C12orf54: variants seen among roughly 807,000 people sequenced by gnomAD.
The protein encoded by C12orf54 is chromosome 12 open reading frame 54, also known as uncharacterized protein C12orf54.
In C12orf54, 24 loss-of-function variants were observed where a neutral mutation model predicts 26.4. That is an observed-to-expected ratio of 0.91 (90% CI 0.66 to 1.28). The LOEUF is 1.28. C12orf54 is among the 50% of genes most tolerant of loss of function. C12orf54 has a pLI of 0.00. For missense variants in C12orf54, 154 were observed against 150.9 expected, an observed-to-expected ratio of 1.02 and a Z score of -0.11; for synonymous variants, 54 against 47.0, an observed-to-expected ratio of 1.15 and a Z score of -0.61.
intron 5 of C12orf54, chr12:48,489,248 C>T: frequency 1.7e-6 from 1 of 585,014 alleles, no homozygotes; most frequent in South Asian, 1.6e-5. Context: ...CTGATAATGA[C>T]TAAGCTGGGG....
At chr12:48,440,302 TG>T in the C12orf54 span, among the ~76,000 whole-genome samples, 16 of 152,094 alleles carry the variant, frequency 1.1e-4, no homozygotes, top group Non-Finnish European at 1.5e-5. Context: ...GAGTTTATGC[TG>T]AGGAGTTCAA....
the C12orf54 span, among the ~76,000 whole-genome samples, chr12:48,431,498 G>A: frequency 6.6e-6 from 1 of 151,968 alleles, no homozygotes; most frequent in Admixed American, 6.6e-5. Context: ...AATTAAATTA[G>A]ATGAAAAATA....
At chr12:48,414,789 T>C in the C12orf54 span, among the ~76,000 whole-genome samples, 2 of 152,164 alleles carry the variant, frequency 1.3e-5, no homozygotes, top group South Asian at 2.1e-4. Context: ...GGAAAGACCA[T>C]GGAGTGAGGC....
upstream of C12orf54, among the ~76,000 whole-genome samples, chr12:48,478,545 CAA>C (rs1954167442): frequency 1.3e-5 from 2 of 152,284 alleles, no homozygotes; most frequent in South Asian, 4.1e-4. Flanking sequence ...GCAACTTCAG[CAA>C]AGTCTCAGGA....
At chr12:48,418,729 A>C in the C12orf54 span, among the ~76,000 whole-genome samples, 1 of 152,192 alleles carries the variant, frequency 6.6e-6, no homozygotes, top group Non-Finnish European at 1.5e-5. Context: ...CAAGGAATTC[A>C]GTTGGTGTTA....
At chr12:48,470,478 G>A in the C12orf54 span, among the ~76,000 whole-genome samples, 7 of 152,120 alleles carry the variant, frequency 4.6e-5, no homozygotes, top group African/African-American at 7.2e-5. Flanking sequence ...GTGTTCTTTC[G>A]AGAAGTGTCT....
chr12:48,479,952 A>G (rs1954181719), upstream of C12orf54, among the ~76,000 whole-genome samples: 1 of 152,092 alleles, frequency 6.6e-6, no homozygotes, highest in Non-Finnish European at 1.5e-5. Context: ...ATGAACTGCT[A>G]GGTGAGGGAG....
chr12:48,456,040 A>T, the C12orf54 span, among the ~76,000 whole-genome samples: 1 of 152,248 alleles, frequency 6.6e-6, no homozygotes, highest in East Asian at 1.9e-4. Flanking sequence ...GTATAAGAGC[A>T]TATAAAGCTC....
chr12:48,472,692 G>C, the C12orf54 span: 3 of 1,614,174 alleles, frequency 1.9e-6, no homozygotes, highest in Non-Finnish European at 2.5e-6. Flanking sequence ...GATTCATTTA[G>C]AGCTGCGGAA....
intron 2 of C12orf54, among the ~76,000 whole-genome samples, chr12:48,484,581 T>C (rs1954237013): frequency 6.6e-6 from 1 of 152,226 alleles, no homozygotes; most frequent in Non-Finnish European, 1.5e-5. Context: ...TGCTTTCATA[T>C]AATCATCCCC....
the C12orf54 span, among the ~76,000 whole-genome samples, chr12:48,443,375 T>C: frequency 6.6e-6 from 1 of 152,210 alleles, no homozygotes; most frequent in Non-Finnish European, 1.5e-5. Context: ...GTTTGCTTCA[T>C]CCTTCTGACA....
the C12orf54 span, among the ~76,000 whole-genome samples, chr12:48,455,704 C>A: frequency 6.6e-6 from 1 of 152,210 alleles, no homozygotes; most frequent in Admixed American, 6.5e-5. Flanking sequence ...AGCTAACAGG[C>A]ACTGGAAGTC....
chr12:48,470,393 G>T, the C12orf54 span, among the ~76,000 whole-genome samples: 1 of 152,158 alleles, frequency 6.6e-6, no homozygotes, highest in Non-Finnish European at 1.5e-5. Context: ...CATTCCAACT[G>T]GTGGAAGATG....
the C12orf54 span, among the ~76,000 whole-genome samples, chr12:48,422,397 A>G: frequency 2.6e-5 from 4 of 152,226 alleles, no homozygotes; most frequent in African/African-American, 9.6e-5. Context: ...GATTTATATG[A>G]GCAAAATGCA....
the C12orf54 span, among the ~76,000 whole-genome samples, chr12:48,471,227 T>C: frequency 6.6e-6 from 1 of 152,186 alleles, no homozygotes; most frequent in Non-Finnish European, 1.5e-5. Flanking sequence ...CTTATTTCAC[T>C]TAACATAATA....
the C12orf54 span, among the ~76,000 whole-genome samples, chr12:48,475,100 G>C: frequency 7.9e-5 from 12 of 152,286 alleles, no homozygotes; most frequent in Admixed American, 7.2e-4. Flanking sequence ...AATATCCGCT[G>C]TTCTGCAGTC....
At chr12:48,431,203 C>T in the C12orf54 span, among the ~76,000 whole-genome samples, 5 of 152,196 alleles carry the variant, frequency 3.3e-5, no homozygotes, top group African/African-American at 1.2e-4. Context: ...GTGTACTGCT[C>T]AGGTGATGGG....
At chr12:48,476,381 A>T in the C12orf54 span, among the ~76,000 whole-genome samples, 2 of 152,348 alleles carry the variant, frequency 1.3e-5, no homozygotes, top group South Asian at 4.1e-4. Context: ...ACAGGATCAA[A>T]TTCACACATA....
the C12orf54 span, among the ~76,000 whole-genome samples, chr12:48,438,403 C>A: frequency 6.6e-6 from 1 of 151,650 alleles, no homozygotes; most frequent in East Asian, 1.9e-4. Flanking sequence ...GAAAAAACTA[C>A]TTTAAAGTTC....
Sources: gnomAD v4.1 joint callset for allele counts (sites outside exome capture counted in the v4.1 genomes callset) on GRCh38, gnomAD v4.1.1 for gene constraint, MANE v1.5 for transcripts, NCBI Gene and HGNC (gene_info 2026-07-23, HGNC 2026-07-21) for gene names.